NOSIP: variants seen among roughly 807,000 people sequenced by gnomAD.
NOSIP encodes the protein nitric oxide synthase interacting protein, also known as nitric oxide synthase-interacting protein.
Under a neutral mutation model 36.4 loss-of-function variants are expected in NOSIP, and 25 were observed. The observed-to-expected ratio is 0.69, with a 90% confidence interval of 0.50 to 0.96. NOSIP has a LOEUF of 0.96. Among genes scored for constraint, NOSIP ranks in the 40% least tolerant of loss-of-function variants. The pLI is 0.00. For synonymous variants in NOSIP, 187 were observed against 179.2 expected, an observed-to-expected ratio of 1.04 and a Z score of -0.35; for missense variants, 370 against 429.0, an observed-to-expected ratio of 0.86 and a Z score of 1.21.
intron 1 of NOSIP, among the ~76,000 whole-genome samples, chr19:49,573,399 G>T (rs2080511279): frequency 6.6e-6 from 1 of 152,178 alleles, no homozygotes; most frequent in African/African-American, 2.4e-5. Context: ...CGTGCCCTGA[G>T]CTACCTCCGT....
intron 8 of NOSIP, 146 bp downstream of exon 8, chr19:49,556,171 G>A (rs1408663337): frequency 2.6e-5 from 3 of 114,396 alleles, no homozygotes; most frequent in African/African-American, 1.1e-4. Flanking sequence ...AGGAGAAAGC[G>A]GGGGGGGGGG....
At chr19:49,562,892 GAA>G (rs2080354594) in intron 1 of NOSIP, among the ~76,000 whole-genome samples, 1 of 152,010 alleles carries the variant, frequency 6.6e-6, no homozygotes. Context: ...AAAAAGAAGA[GAA>G]GAGAGAAGAT....
chr19:49,576,175 T>C (rs1189799909), intron 1 of NOSIP, among the ~76,000 whole-genome samples: 2 of 151,842 alleles, frequency 1.3e-5, no homozygotes, highest in African/African-American at 4.8e-5. Flanking sequence ...GTTTGCAGGC[T>C]GAACAAAAAC....
rs2080294277 is a variant in NOSIP, at chr19:49,558,974, C to G, written c.181G>C (p.Asp61His). The change falls in exon 4 of 9, where the codon GAT becomes CAT. Residue 61 changes from aspartate (D) to histidine (H), a missense_variant. Asp to His is a moderately conservative substitution (Grantham distance 81). Coordinates refer to ENST00000596358, the MANE Select transcript of NOSIP (RefSeq NM_001270960.2). Reference protein sequence around the residue: ...QPCHDPVVTPDGYLYEREAIL... With the variant: ...QPCHDPVVTPHGYLYEREAIL... ...GCCTCACGCTCATACAGGTAGCCAT[C>G]TGGGCTGCAAAGACAGGGTGCAATG... The G allele has an allele frequency of 1.9e-6, 3 of 1,613,348 alleles. No individual in the cohort carries two copies. In the African/African-American group the frequency reaches 4.0e-5, roughly 22 times the overall value.
intron 6 of NOSIP, 52 bp downstream of exon 6, chr19:49,556,823 G>A (rs1204720462): frequency 1.9e-6 from 3 of 1,597,292 alleles, no homozygotes; most frequent in African/African-American, 1.3e-5. Flanking sequence ...GAGGACGGTG[G>A]GGAACCCTGG....
chr19:49,564,497 A>G (rs557119869), intron 1 of NOSIP, among the ~76,000 whole-genome samples: 1 of 151,318 alleles, frequency 6.6e-6, no homozygotes, highest in South Asian at 2.1e-4. Flanking sequence ...CTTCATTGAG[A>G]TACCTCCCCA....
chr19:49,569,797 A>G (rs559788582), intron 1 of NOSIP, among the ~76,000 whole-genome samples: 1 of 147,370 alleles, frequency 6.8e-6, no homozygotes, highest in South Asian at 2.2e-4. Flanking sequence ...GACAAGAGTG[A>G]GACTTTGTCT....
At position 49,576,745 on chromosome 19, in the gene NOSIP, G is replaced by A. The variant is rs138525847; in HGVS notation, c.-2+3770C>T. Among the ~76,000 whole-genome samples, 1,089 of 151,918 alleles carry A rather than the reference G, an allele frequency of 7.2e-3. 12 individuals are homozygous for A. The highest frequency in any genetic ancestry group is 0.025 in the African/African-American group (1,029 of 41,400). On this transcript the variant is annotated intron_variant, in intron 1 of 8. Coordinates refer to ENST00000596358, the MANE Select transcript of NOSIP (RefSeq NM_001270960.2). ...ACTAAAAATACAAAATTAGCTGGGC[G>A]TGGTGGTGCATACCTGTAATCCCAG...
intron 1 of NOSIP, among the ~76,000 whole-genome samples, chr19:49,574,782 G>A (rs908255126): frequency 2.6e-5 from 4 of 151,822 alleles, no homozygotes; most frequent in African/African-American, 9.7e-5. Context: ...GGCGGATCTC[G>A]CCTCCCAGGC....
chr19:49,574,458 C>G (rs1336707717), intron 1 of NOSIP, among the ~76,000 whole-genome samples: 1 of 152,186 alleles, frequency 6.6e-6, no homozygotes, highest in Non-Finnish European at 1.5e-5. Context: ...TGGATAGTCA[C>G]AGGATGCTAA....
chr19:49,562,490 A>G (rs944064027), intron 1 of NOSIP, among the ~76,000 whole-genome samples: 4 of 152,088 alleles, frequency 2.6e-5, no homozygotes, highest in African/African-American at 9.7e-5. Context: ...TGTAATCCCA[A>G]AACTTTGGGA....
intron 8 of NOSIP, 142 bp from the exon 9 acceptor site, chr19:49,555,964 C>A: frequency 1.6e-6 from 1 of 633,352 alleles, no homozygotes; most frequent in Middle Eastern, 2.5e-4. Flanking sequence ...GGGGGCGAGG[C>A]GACCGCAGTG....
intron 7 of NOSIP, 50 bp downstream of exon 7, chr19:49,556,499 G>T: frequency 1.9e-6 from 3 of 1,607,184 alleles, no homozygotes; most frequent in Non-Finnish European, 2.5e-6. Context: ...AAGCCGGACC[G>T]CCCCGCAGGT....
chr19:49,561,883 TAAA>T (rs35018027), intron 1 of NOSIP, among the ~76,000 whole-genome samples: 1 of 129,994 alleles, frequency 7.7e-6, no homozygotes, highest in Non-Finnish European at 1.7e-5. Context: ...CTGTCACAAT[TAAA>T]AAAAAAAAAA....
intron 8 of NOSIP, 23 bp from the exon 9 acceptor site, chr19:49,555,845 C>T (rs1352207893): frequency 1.9e-6 from 3 of 1,602,764 alleles, no homozygotes; most frequent in Non-Finnish European, 2.6e-6. Flanking sequence ...GAGAGAAGGA[C>T]GAGGTAGAGG....
intron 1 of NOSIP, among the ~76,000 whole-genome samples, chr19:49,574,416 T>C (rs1203556708): frequency 6.6e-6 from 1 of 152,204 alleles, no homozygotes; most frequent in Non-Finnish European, 1.5e-5. Flanking sequence ...TGATTGTTGA[T>C]GGATGGCATT....
At chr19:49,556,520 T>C (rs763906860) in intron 7 of NOSIP, 29 bp downstream of exon 7, 3 of 1,604,982 alleles carry the variant, frequency 1.9e-6, no homozygotes, top group African/African-American at 2.7e-5. Context: ...TCCCGAGTGG[T>C]CCCTTCCCTC....
chr19:49,562,320 C>A (rs2080346783), intron 1 of NOSIP, among the ~76,000 whole-genome samples: 1 of 151,970 alleles, frequency 6.6e-6, no homozygotes, highest in South Asian at 2.1e-4. Context: ...GACGGGGTTT[C>A]ACCGTGTTGG....
chr19:49,556,423 C>A lies in NOSIP; in HGVS notation c.728G>T (p.Gly243Val). 2 of 1,612,834 alleles carry A rather than the reference C, an allele frequency of 1.2e-6. No homozygotes were observed. The highest frequency in any genetic ancestry group is 1.7e-6 in the Non-Finnish European group (2 of 1,179,220). The change falls in exon 8 of 9, where the codon GGG becomes GTG. Residue 243 changes from glycine to valine, a missense_variant and splice_region_variant. Transcript: ENST00000596358. ...ATPCAVLRPS[G>V]AVVTLECVEK... ...CACGCATTCGAGGGTGACCACAGCCCCACTACGGTGAGGCCGAAGGCGGGA... is the reference window on the plus strand; with the variant it reads ...CACGCATTCGAGGGTGACCACAGCCACACTACGGTGAGGCCGAAGGCGGGA...
Sources: allele counts gnomAD v4.1 joint callset (sites outside exome capture counted in the v4.1 genomes callset), GRCh38; gene constraint gnomAD v4.1.1; transcripts MANE v1.5; gene names NCBI Gene and HGNC (gene_info 2026-07-23, HGNC 2026-07-21).